PDE10A: variants seen among roughly 807,000 people sequenced by gnomAD.
PDE10A encodes the protein cAMP and cAMP-inhibited cGMP 3',5'-cyclic phosphodiesterase 10A.
PDE10A carries 39 observed loss-of-function variants against 97.7 expected under a neutral mutation model. The observed-to-expected ratio is 0.40, with a 90% CI of 0.31 to 0.52. The LOEUF (loss-of-function observed/expected upper bound fraction) is 0.52. Ranked by LOEUF, PDE10A falls within the 20% of genes least tolerant of loss-of-function variation. The pLI is 0.56. For synonymous variants in PDE10A, 371 were observed against 376.8 expected (o/e 0.98, Z 0.18); for missense variants, 731 against 1,047.8 (o/e 0.70, Z 4.17).
intron 1 of PDE10A, among the ~76,000 whole-genome samples, chr6:165,921,231 G>T (rs970563226): frequency 6.6e-6 from 1 of 152,216 alleles, no homozygotes; most frequent in African/African-American, 2.4e-5. Context: ...GCTGCCGGTA[G>T]ACTGCATAGA....
intron 1 of PDE10A, among the ~76,000 whole-genome samples, chr6:165,891,956 T>A (rs1295005371): frequency 1.6e-5 from 1 of 60,748 alleles, no homozygotes; most frequent in African/African-American, 6.1e-5. Flanking sequence ...TGGACTTTTT[T>A]TTTTTTTAAT....
At chr6:165,372,293 T>C (rs1784308607) in intron 18 of PDE10A, among the ~76,000 whole-genome samples, 1 of 150,924 alleles carries the variant, frequency 6.6e-6, no homozygotes, top group South Asian at 2.1e-4. Flanking sequence ...AAATTGTCCC[T>C]GTTTGCAGAT....
At chr6:165,549,214 C>A (rs1279412844) in intron 1 of PDE10A, among the ~76,000 whole-genome samples, 3 of 152,316 alleles carry the variant, frequency 2.0e-5, no homozygotes, top group Non-Finnish European at 4.4e-5. Flanking sequence ...GAAAATGGAA[C>A]TAGATTACAT....
intron 2 of PDE10A, among the ~76,000 whole-genome samples, chr6:165,496,196 G>A (rs1020676887): frequency 7.2e-5 from 11 of 152,008 alleles, no homozygotes; most frequent in African/African-American, 2.2e-4. Context: ...TCCTGCCACC[G>A]AAGATGACCC....
chr6:165,627,463 T>A (rs1788440264), intron 1 of PDE10A, among the ~76,000 whole-genome samples: 1 of 152,170 alleles, frequency 6.6e-6, no homozygotes, highest in South Asian at 2.1e-4. Flanking sequence ...TGGGCCTAAA[T>A]ATCCAAAAGC....
At chr6:165,931,496 G>A (rs1056372253) in intron 1 of PDE10A, among the ~76,000 whole-genome samples, 4 of 152,344 alleles carry the variant, frequency 2.6e-5, no homozygotes, top group Middle Eastern at 3.4e-3. Flanking sequence ...ATTCGAGGCA[G>A]AACTAATTCT....
At chr6:165,954,844 T>C (rs976866133) in intron 1 of PDE10A, among the ~76,000 whole-genome samples, 4 of 152,048 alleles carry the variant, frequency 2.6e-5, no homozygotes, top group Non-Finnish European at 4.4e-5. Flanking sequence ...CAGGCCAGCA[T>C]TTCTTTCTTC....
intron 18 of PDE10A, among the ~76,000 whole-genome samples, chr6:165,377,653 GA>G (rs1260532847): frequency 6.6e-6 from 1 of 151,268 alleles, no homozygotes; most frequent in South Asian, 2.1e-4. Context: ...AACCCCAGAA[GA>G]AAAAAAAGAA....
chr6:165,428,849 C>CAA, intron 9 of PDE10A, 140 bp from the exon 10 acceptor site: 2 of 413,864 alleles, frequency 4.8e-6, no homozygotes, highest in East Asian at 4.4e-5. Context: ...TCTGCTTTGG[C>CAA]AAAAAAAAAA....
chr6:165,538,989 T>A (rs1783261502), intron 2 of PDE10A, among the ~76,000 whole-genome samples: 1 of 152,218 alleles, frequency 6.6e-6, no homozygotes, highest in African/African-American at 2.4e-5. Context: ...TTTCCTACAT[T>A]TTTTCAAAAT....
rs1781253211 is a variant in PDE10A, at chr6:165,330,052, T to C, written c.*2973A>G. 1 of 152,206 alleles carries C rather than the reference T, an allele frequency of 6.6e-6. No individual in the cohort carries two copies. The highest frequency in any genetic ancestry group is 1.5e-5 in the Non-Finnish European group (1 of 68,024). 9.4% of individuals were successfully genotyped at this position (152,206 alleles called of 1,614,324 possible). On this transcript the variant is annotated 3_prime_UTR_variant, in exon 22 of 22. Transcript: ENST00000539869. The stretch of plus-strand genomic sequence containing the variant: ...CATGTTATTGGCAGGCATTTATGTT[T>C]CCAAGGACATTTTTAGCTAAAAAAC...
At chr6:165,892,375 G>A (rs1781828455) in intron 1 of PDE10A, among the ~76,000 whole-genome samples, 1 of 152,208 alleles carries the variant, frequency 6.6e-6, no homozygotes, top group Non-Finnish European at 1.5e-5. Flanking sequence ...TGGCCACAGA[G>A]AATCCACTCG....
intron 1 of PDE10A, among the ~76,000 whole-genome samples, chr6:165,755,738 G>C (rs1793102421): frequency 6.7e-6 from 1 of 149,876 alleles, no homozygotes; most frequent in African/African-American, 2.5e-5. Flanking sequence ...GGAGGCAGAG[G>C]CTGCTGCATG....
At chr6:165,505,089 G>C (rs1297611637) in intron 2 of PDE10A, among the ~76,000 whole-genome samples, 1 of 152,144 alleles carries the variant, frequency 6.6e-6, no homozygotes, top group Non-Finnish European at 1.5e-5. Flanking sequence ...TCTCTTCGTA[G>C]CTCTGCCTAG....
At chr6:165,685,673 A>C (rs2128440497) in intron 1 of PDE10A, among the ~76,000 whole-genome samples, 1 of 152,134 alleles carries the variant, frequency 6.6e-6, no homozygotes, top group South Asian at 2.1e-4. Flanking sequence ...GCACTTCCTC[A>C]CTATGAGAAA....
At chr6:165,403,009 G>C (rs777192417) in intron 13 of PDE10A, among the ~76,000 whole-genome samples, 1 of 152,098 alleles carries the variant, frequency 6.6e-6, no homozygotes, top group African/African-American at 2.4e-5. Flanking sequence ...CAAATCTCTT[G>C]TCCATCATTT....
chr6:165,710,589 A>G (rs762788318), intron 1 of PDE10A, among the ~76,000 whole-genome samples: 35 of 152,352 alleles, frequency 2.3e-4, no homozygotes, highest in Admixed American at 9.1e-4. Flanking sequence ...CAAAGTTCCA[A>G]TAATCCCATT....
At chr6:165,952,858 GAAA>G (rs34273396) in intron 1 of PDE10A, among the ~76,000 whole-genome samples, 2 of 148,652 alleles carry the variant, frequency 1.3e-5, no homozygotes, top group African/African-American at 4.9e-5. Flanking sequence ...TTTTATAAGA[GAAA>G]AAAAAAAAAG....
intron 20 of PDE10A, among the ~76,000 whole-genome samples, chr6:165,337,489 T>A (rs2128176319): frequency 6.6e-6 from 1 of 152,366 alleles, no homozygotes; most frequent in South Asian, 2.1e-4. Context: ...TTTCCATTTT[T>A]AACTTTATGG....
Sources: allele counts gnomAD v4.1 joint callset (sites outside exome capture counted in the v4.1 genomes callset), GRCh38; gene constraint gnomAD v4.1.1; transcripts MANE v1.5; gene names NCBI Gene and HGNC (gene_info 2026-07-23, HGNC 2026-07-21).